CUX1: variants seen among roughly 807,000 people sequenced by gnomAD.
CUX1 encodes protein CASP.
CUX1 carries 31 observed loss-of-function variants against 158.8 expected under a neutral mutation model. That is an observed-to-expected ratio of 0.20 (90% CI 0.15 to 0.26). CUX1 has a LOEUF of 0.26. CUX1 is among the 10% of genes least tolerant of loss of function. The pLI is 1.00. For missense variants in CUX1, 1,589 were observed against 2,014.6 expected, an observed-to-expected ratio of 0.79 and a Z score of 4.04; for synonymous variants, 879 against 862.1, an observed-to-expected ratio of 1.02 and a Z score of -0.34.
chr7:102,005,981 G>T (rs1817319352), intron 2 of CUX1, among the ~76,000 whole-genome samples: 1 of 152,238 alleles, frequency 6.6e-6, no homozygotes, highest in Non-Finnish European at 1.5e-5. Flanking sequence ...GTTGGCCAGA[G>T]AAACTGGTTT....
chr7:102,073,508 T>C (rs1826381481), intron 4 of CUX1, among the ~76,000 whole-genome samples: 1 of 152,188 alleles, frequency 6.6e-6, no homozygotes, highest in Non-Finnish European at 1.5e-5. Context: ...TAATCTCTTT[T>C]CAAAAAGTCA....
At chr7:102,281,776 C>T (rs1792086321) in intron 20 of CUX1, 3 of 1,135,294 alleles carry the variant, frequency 2.6e-6, no homozygotes, top group Non-Finnish European at 4.0e-6. Flanking sequence ...CTGTGAAGCC[C>T]AGGCAGCCCT....
intron 3 of CUX1, among the ~76,000 whole-genome samples, chr7:102,044,316 A>G (rs1381845737): frequency 6.6e-6 from 1 of 152,042 alleles, no homozygotes; most frequent in Non-Finnish European, 1.5e-5. Context: ...CAGCCTCCCA[A>G]GTAGCTGGGG....
At chr7:102,159,341 T>C (rs1554506360) in intron 9 of CUX1, among the ~76,000 whole-genome samples, 1 of 152,242 alleles carries the variant, frequency 6.6e-6, no homozygotes, top group African/African-American at 2.4e-5. Context: ...GGCCCCTTTT[T>C]GGCTGACACT....
chr7:102,091,682 C>T (rs545740482), intron 4 of CUX1, among the ~76,000 whole-genome samples: 3 of 152,258 alleles, frequency 2.0e-5, no homozygotes, highest in African/African-American at 4.8e-5. Context: ...CATCTTTAAG[C>T]TTAAAACTCT....
At chr7:101,919,431 G>C (rs981453841) in intron 2 of CUX1, among the ~76,000 whole-genome samples, 5 of 152,112 alleles carry the variant, frequency 3.3e-5, no homozygotes, top group African/African-American at 1.2e-4. Context: ...GTGTAGAAAC[G>C]AGGCTTGCTT....
At chr7:102,087,995 C>G (rs1828126015) in intron 4 of CUX1, among the ~76,000 whole-genome samples, 1 of 145,156 alleles carries the variant, frequency 6.9e-6, no homozygotes, top group Non-Finnish European at 1.5e-5. Context: ...ATACCTTAAT[C>G]TCACCCTTTT....
At chr7:102,064,625 T>C (rs1408732927) in intron 3 of CUX1, among the ~76,000 whole-genome samples, 3 of 152,148 alleles carry the variant, frequency 2.0e-5, no homozygotes, top group Non-Finnish European at 2.9e-5. Context: ...CACTGTCCCT[T>C]CCTCCCTCCC....
chr7:102,050,134 CA>C (rs1823305466), intron 3 of CUX1, among the ~76,000 whole-genome samples: 1 of 152,202 alleles, frequency 6.6e-6, no homozygotes, highest in Non-Finnish European at 1.5e-5. Flanking sequence ...ACCAAACTGA[CA>C]AATCACTGAT....
chr7:101,966,412 G>T (rs1369586787), intron 2 of CUX1, among the ~76,000 whole-genome samples: 2 of 151,488 alleles, frequency 1.3e-5, no homozygotes, highest in African/African-American at 4.9e-5. Context: ...TACAGTAAAT[G>T]AAACAAGCCT....
At chr7:101,969,308 C>T (rs1217782263) in intron 2 of CUX1, among the ~76,000 whole-genome samples, 1 of 147,618 alleles carries the variant, frequency 6.8e-6, no homozygotes. Context: ...GCACTCCATC[C>T]TGGGTGACAG....
At chr7:101,928,678 T>TC (rs1310946689) in intron 2 of CUX1, among the ~76,000 whole-genome samples, 1 of 140,082 alleles carries the variant, frequency 7.1e-6, no homozygotes, top group Non-Finnish European at 1.5e-5. Context: ...AAATGGACTT[T>TC]TTTTTTTTTT....
Position 101,916,141 on chromosome 7 carries a change from A to G in CUX1, c.57A>G (p.Val19=), listed in dbSNP as rs1278377019. ...LKRELDATAT[V]LANRQDESEQ... ...GAGAACTCGATGCCACCGCAACGGT[A>G]TTGGCGAACCGGCAGGATGAAAGTG... The change falls in exon 2 of 24, where the codon GTA becomes GTG. Residue 19 remains valine (V), a synonymous_variant. Transcript: ENST00000292535. The surrounding 1 kb of genome is among the most constrained non-coding windows in gnomAD (Gnocchi z 4.4). The G allele has an allele frequency of 3.1e-6, 5 of 1,613,552 alleles. No individual in the cohort carries two copies. Among genetic ancestry groups the G allele is most frequent in the African/African-American group, 2.7e-5 (2 of 74,874 alleles).
At chr7:102,009,462 C>G (rs1382462629) in intron 2 of CUX1, among the ~76,000 whole-genome samples, 1 of 152,208 alleles carries the variant, frequency 6.6e-6, no homozygotes, top group Non-Finnish European at 1.5e-5. Flanking sequence ...ACCAGGGAAC[C>G]CAGTTTCTCT....
chr7:102,195,607 G>C lies in CUX1; in HGVS notation c.1222+4G>C. 1.2e-6 allele frequency: 2 copies of C among 1,602,084 alleles called. No individual in the cohort carries two copies. The highest frequency in any genetic ancestry group is 1.3e-5 in the African/African-American group (1 of 75,020). ...ATCTCCAACAGCGACCTGAGCGGTA[G>C]GTTGGCCGGGCTTCGCGCGTGTGCG... On this transcript the variant is annotated splice_donor_region_variant and intron_variant, in intron 14 of 23. Coordinates refer to ENST00000292535, the MANE Select transcript of CUX1 (RefSeq NM_181552.4).
chr7:101,826,548 C>T (rs552076432), intron 1 of CUX1, among the ~76,000 whole-genome samples: 2 of 152,242 alleles, frequency 1.3e-5, no homozygotes, highest in South Asian at 4.1e-4. Context: ...CCTGTGTGCC[C>T]GGCAGTAGTG....
At chr7:101,878,957 C>G (rs2131540413) in intron 1 of CUX1, among the ~76,000 whole-genome samples, 1 of 152,334 alleles carries the variant, frequency 6.6e-6, no homozygotes, top group South Asian at 2.1e-4. Flanking sequence ...CAGGCATGAG[C>G]CACTGCACCC....
At chr7:102,280,832 G>T (rs1554549067) in exon 20 of CUX1, 1 of 1,612,934 alleles carries the variant, frequency 6.2e-7, no homozygotes, top group South Asian at 1.1e-5. Context: ...CTGAGCTTGA[G>T]TCCCTGGGAC....
chr7:102,279,943 TGCAGATGAGGA>T, intron 18 of CUX1: 1 of 789,698 alleles, frequency 1.3e-6, no homozygotes, highest in South Asian at 1.4e-5. Flanking sequence ...TTCCCTTTTT[TGCAGATGAGGA>T]AACTGAGGCT....
Sources: allele counts gnomAD v4.1 joint callset (sites outside exome capture counted in the v4.1 genomes callset), GRCh38; gene constraint gnomAD v4.1.1; non-coding constraint Gnocchi (gnomAD v3.1); transcripts MANE v1.5; gene names NCBI Gene and HGNC (gene_info 2026-07-23, HGNC 2026-07-21).